Variants in SPIN1 observed in about 807,000 individuals in gnomAD.
The protein encoded by SPIN1 is spindlin-1.
Under a neutral mutation model 26.0 loss-of-function variants are expected in SPIN1, and 3 were observed. The ratio of observed to expected loss-of-function variants is 0.12; its 90% CI spans 0.05 to 0.30. SPIN1 has a LOEUF of 0.30. Among genes scored for constraint, SPIN1 ranks in the 10% least tolerant of loss-of-function variants. SPIN1 has a pLI of 1.00. For missense variants in SPIN1, 126 were observed against 333.4 expected (o/e 0.38, Z 4.84); for synonymous variants, 101 against 116.5 (o/e 0.87, Z 0.86).
intron 2 of SPIN1, among the ~76,000 whole-genome samples, chr9:88,437,167 A>G (rs1265612242): frequency 6.6e-6 from 1 of 152,054 alleles, no homozygotes; most frequent in Non-Finnish European, 1.5e-5. Flanking sequence ...TATTGAAGAA[A>G]CATCTTGGTT....
In SPIN1 at chr9:88,431,073, C is replaced by T. The variant is rs142443725; in HGVS notation, c.52+4482C>T. Among the ~76,000 whole-genome samples the T allele has an allele frequency of 4.5e-4, 68 of 151,922 alleles. No individual in the cohort carries two copies. The East Asian group carries it at 0.011, about 25-fold the overall frequency. On this transcript the variant is annotated intron_variant, in intron 2 of 5. Coordinates refer to ENST00000375859, the MANE Select transcript of SPIN1 (RefSeq NM_006717.3). ...AACTTTTTTGCATTTTTAGTAGAGA[C>T]GGGGTTTTTCCATGTTGGTCAGGCT...
chr9:88,425,933 A>G (rs1178518175), intron 1 of SPIN1, among the ~76,000 whole-genome samples: 2 of 151,196 alleles, frequency 1.3e-5, no homozygotes, highest in Non-Finnish European at 3.0e-5. Flanking sequence ...CTGTCCTTCC[A>G]CTCTGCCTCC....
chr9:88,441,791 AT>A (rs1318572922), intron 2 of SPIN1, among the ~76,000 whole-genome samples: 2 of 148,388 alleles, frequency 1.3e-5, no homozygotes, highest in Non-Finnish European at 3.0e-5. Context: ...TTTATATTAT[AT>A]TTTTATTATA....
intron 2 of SPIN1, among the ~76,000 whole-genome samples, chr9:88,428,956 G>A (rs1179196726): frequency 6.6e-6 from 1 of 152,116 alleles, no homozygotes; most frequent in African/African-American, 2.4e-5. Flanking sequence ...GTTCACTGCA[G>A]CCTTGAACTC....
chr9:88,435,731 T>C (rs1827987154), intron 2 of SPIN1, among the ~76,000 whole-genome samples: 1 of 152,196 alleles, frequency 6.6e-6, no homozygotes, highest in South Asian at 2.1e-4. Context: ...TCATTTACCT[T>C]CTTACACTTC....
In SPIN1 at chr9:88,421,630, C is replaced by T. The variant is rs563264107; in HGVS notation, c.-158-4752C>T. Reference sequence around the variant, plus strand: ...GCCCCCTCCCCCCGCCCCAACAAACCGTGTGTTTAGGGTTTATTCATTGTG... The same window carrying T: ...GCCCCCTCCCCCCGCCCCAACAAACTGTGTGTTTAGGGTTTATTCATTGTG... On this transcript the variant is annotated intron_variant, in intron 1 of 5. Transcript: ENST00000375859. Among the ~76,000 whole-genome samples, 3 of 136,394 alleles carry T rather than the reference C, an allele frequency of 2.2e-5. No individual in the cohort carries two copies. The South Asian group carries it at 8.3e-4, about 38-fold the overall frequency. The allele number at this position is 136,394 out of a possible 152,430, so 89.5% of individuals were successfully genotyped here. A position where few individuals can be genotyped will look rare whatever the true frequency, so the allele number is the denominator to read the frequency against.
chr9:88,405,550 T>C (rs968756315), intron 1 of SPIN1, among the ~76,000 whole-genome samples: 5 of 145,380 alleles, frequency 3.4e-5, no homozygotes, highest in African/African-American at 1.3e-4. Context: ...TTTTTTTTTT[T>C]TTTTTTCCCT....
chr9:88,439,917 T>G (rs1828084283), intron 2 of SPIN1, among the ~76,000 whole-genome samples: 2 of 152,218 alleles, frequency 1.3e-5, no homozygotes. Flanking sequence ...GCATGTTGTT[T>G]TTGATCCACT....
chr9:88,393,445 GTTTTTTTTT>G (rs57244433), intron 1 of SPIN1, among the ~76,000 whole-genome samples: 71 of 88,432 alleles, frequency 8.0e-4, no homozygotes, highest in Middle Eastern at 0.017. Context: ...TTGCTTTTGG[GTTTTTTTTT>G]TTTTTTTTTT....
chr9:88,478,273 C>G lies in SPIN1; in HGVS notation c.*2996C>G, dbSNP rs1430451141. ...ACTGTAGACCCATTAGAAGACTGTTCCGATTGTTACAAATTGTAGTGCCTG... is the reference window on the plus strand; with the variant it reads ...ACTGTAGACCCATTAGAAGACTGTTGCGATTGTTACAAATTGTAGTGCCTG... On this transcript the variant is annotated 3_prime_UTR_variant, in exon 6 of 6. Transcript: ENST00000375859. The G allele has an allele frequency of 2.6e-5, 4 of 152,638 alleles. No individual in the cohort carries two copies. Among genetic ancestry groups the G allele is most frequent in the African/African-American group, 4.8e-5 (2 of 41,448 alleles). The allele number at this position is 152,638 out of a possible 1,614,324, so 9.5% of individuals were successfully genotyped here.
At chr9:88,472,678 A>T (rs534063392) in intron 5 of SPIN1, among the ~76,000 whole-genome samples, 1 of 152,194 alleles carries the variant, frequency 6.6e-6, no homozygotes, top group South Asian at 2.1e-4. Flanking sequence ...TTTTTAGTAG[A>T]GACAGAGTTT....
chr9:88,465,801 C>G (rs1052121408), intron 4 of SPIN1, among the ~76,000 whole-genome samples: 4 of 152,122 alleles, frequency 2.6e-5, no homozygotes, highest in African/African-American at 9.7e-5. Context: ...ATAAGTATAT[C>G]TAGAATTATC....
intron 1 of SPIN1, among the ~76,000 whole-genome samples, chr9:88,424,361 A>G (rs1331819401): frequency 6.6e-6 from 1 of 152,134 alleles, no homozygotes; most frequent in African/African-American, 2.4e-5. Flanking sequence ...TTTGAAGTGA[A>G]ATTTTTGTAT....
intron 2 of SPIN1, among the ~76,000 whole-genome samples, chr9:88,445,556 T>TATTATC (rs1828234377): frequency 6.9e-6 from 1 of 145,540 alleles, no homozygotes; most frequent in Admixed American, 6.9e-5. Flanking sequence ...TTATTATTAT[T>TATTATC]ATTATTATAT....
chr9:88,422,660 AATTTT>A (rs966692485), intron 1 of SPIN1, among the ~76,000 whole-genome samples: 6 of 152,028 alleles, frequency 3.9e-5, no homozygotes, highest in East Asian at 1.9e-4. Context: ...AGGACTCTAA[AATTTT>A]ATTTTATTTT....
At chr9:88,438,441 T>C (rs964784297) in intron 2 of SPIN1, among the ~76,000 whole-genome samples, 1 of 152,190 alleles carries the variant, frequency 6.6e-6, no homozygotes, top group Non-Finnish European at 1.5e-5. Context: ...TCTTTTAAAT[T>C]TGTGAAACTG....
chr9:88,439,503 C>G (rs1193509354), intron 2 of SPIN1, among the ~76,000 whole-genome samples: 1 of 152,148 alleles, frequency 6.6e-6, no homozygotes, highest in Non-Finnish European at 1.5e-5. Flanking sequence ...ACTTGGGTCC[C>G]ATTCCCAAGA....
intron 1 of SPIN1, among the ~76,000 whole-genome samples, chr9:88,403,606 G>A (rs934973599): frequency 6.6e-6 from 1 of 152,182 alleles, no homozygotes; most frequent in Non-Finnish European, 1.5e-5. Flanking sequence ...AGCTACTCGG[G>A]AGGGTAATGT....
chr9:88,410,267 C>CA (rs1234105114), intron 1 of SPIN1, among the ~76,000 whole-genome samples: 2 of 149,468 alleles, frequency 1.3e-5, no homozygotes, highest in East Asian at 2.0e-4. Flanking sequence ...AGCATGGGTG[C>CA]AAAAAAAATC....
Sources: gnomAD v4.1 joint callset for allele counts (sites outside exome capture counted in the v4.1 genomes callset) on GRCh38, gnomAD v4.1.1 for gene constraint, MANE v1.5 for transcripts, NCBI Gene and HGNC (gene_info 2026-07-23, HGNC 2026-07-21) for gene names.